The following AK7 variants were observed in gnomAD, a reference collection of about 807,000 sequenced individuals.
AK7 encodes the protein adenylate kinase 7.
AK7 carries 78 observed loss-of-function variants against 96.6 expected under a neutral mutation model. The ratio of observed to expected loss-of-function variants is 0.81; its 90% confidence interval spans 0.67 to 0.97. The LOEUF (loss-of-function observed/expected upper bound fraction) is 0.97. Ranked by LOEUF, AK7 falls within the 50% of genes least tolerant of loss-of-function variation. The pLI, the probability that AK7 is intolerant of heterozygous loss-of-function variation, is 0.00. For missense variants in AK7, 855 were observed against 887.9 expected (o/e 0.96, Z 0.47); for synonymous variants, 302 against 317.2 (o/e 0.95, Z 0.51).
chr14:96,416,993 C>A (rs1891383250), intron 4 of AK7, among the ~76,000 whole-genome samples: 1 of 152,352 alleles, frequency 6.6e-6, no homozygotes, highest in East Asian at 1.9e-4. Flanking sequence ...ACCTATGGTT[C>A]TCTTATGGTT....
At position 96,488,937 on chromosome 14, in the gene AK7, A is replaced by AATCTGC. The variant is rs1327702874; in HGVS notation, c.*597_*602dup. On this transcript the variant is annotated 3_prime_UTR_variant, in exon 18 of 18. Transcript: ENST00000267584. ...AGAACTGTAAACCTTTAGGCGGAGA[A>AATCTGC]ATCTGCATAACAGGATAATTCCAAT... is the stretch of plus-strand genomic sequence containing the variant. 1 of 152,012 alleles carries AATCTGC rather than the reference A, an allele frequency of 6.6e-6. No individual in the cohort carries two copies. The highest frequency in any genetic ancestry group is 1.9e-4 in the East Asian group (1 of 5,190). 9.4% of individuals were successfully genotyped at this position (152,012 alleles called of 1,614,324 possible). A position where few individuals can be genotyped will look rare whatever the true frequency, so the allele number is the denominator to read the frequency against.
chr14:96,407,575 CTTTTCTTT>C (rs746008850), intron 3 of AK7, among the ~76,000 whole-genome samples: 653 of 54,764 alleles, frequency 0.012, 7 homozygotes, highest in Middle Eastern at 0.029. Flanking sequence ...TTCTTTCTTT[CTTTTCTTT>C]TTTTTTTTTT....
chr14:96,443,732 C>T (rs993989579), intron 7 of AK7, among the ~76,000 whole-genome samples: 1 of 151,526 alleles, frequency 6.6e-6, no homozygotes, highest in Non-Finnish European at 1.5e-5. Flanking sequence ...TACACTAACA[C>T]TAACGATAGC....
chr14:96,404,721 G>T (rs144999405), intron 2 of AK7, 36 bp from the exon 3 acceptor site: 1 of 1,408,774 alleles, frequency 7.1e-7, no homozygotes, highest in Non-Finnish European at 1.0e-6. Context: ...CCTTGTTAGC[G>T]TCTTGCTGCA....
intron 5 of AK7, 112 bp from the exon 6 acceptor site, chr14:96,437,723 G>T: frequency 1.4e-6 from 1 of 718,526 alleles, no homozygotes; most frequent in Non-Finnish European, 2.3e-6. Flanking sequence ...TCAGTAACCT[G>T]CAAGAGTTGA....
At chr14:96,404,384 C>A (rs919170850) in intron 2 of AK7, among the ~76,000 whole-genome samples, 1 of 152,120 alleles carries the variant, frequency 6.6e-6, no homozygotes, top group Non-Finnish European at 1.5e-5. Context: ...CTGAGTGATT[C>A]GTGGTATATA....
chr14:96,482,888 G>C, intron 15 of AK7, 111 bp from the exon 16 acceptor site: 1 of 1,065,288 alleles, frequency 9.4e-7, no homozygotes, highest in Non-Finnish European at 1.4e-6. Context: ...AAAACCCTAT[G>C]TGGTAATTTA....
chr14:96,449,236 C>T (rs1189417767), intron 8 of AK7, among the ~76,000 whole-genome samples: 1 of 152,164 alleles, frequency 6.6e-6, no homozygotes, highest in Non-Finnish European at 1.5e-5. Context: ...ATTCAGACTA[C>T]AGCACAGAAT....
intron 4 of AK7, among the ~76,000 whole-genome samples, chr14:96,414,331 T>C (rs757994989): frequency 3.3e-5 from 5 of 152,192 alleles, no homozygotes; most frequent in Non-Finnish European, 7.3e-5. Context: ...CAAATTTCTT[T>C]GACTAAAACT....
intron 4 of AK7, among the ~76,000 whole-genome samples, chr14:96,412,781 G>T (rs1031622515): frequency 6.6e-6 from 1 of 151,778 alleles, no homozygotes; most frequent in Admixed American, 6.6e-5. Context: ...TGGCCAGGCT[G>T]GTCTCAAACT....
Position 96,392,133 on chromosome 14 carries a change from A to G in AK7, c.-22A>G. 1 of 1,595,392 alleles carries G rather than the reference A, an allele frequency of 6.3e-7. No individual in the cohort carries two copies. The highest frequency in any genetic ancestry group is 8.6e-7 in the Non-Finnish European group (1 of 1,163,988). On this transcript the variant is annotated 5_prime_UTR_variant, in exon 1 of 18. Coordinates refer to ENST00000267584, the MANE Select transcript of AK7 (RefSeq NM_152327.5). ...GGCAAGCGAGTGGCGCTTTCACCTT[A>G]GCAACCAGCGCGGCTCCCACCATGG...
chr14:96,407,769 GA>G (rs1349005521), intron 3 of AK7, among the ~76,000 whole-genome samples: 2 of 151,800 alleles, frequency 1.3e-5, no homozygotes, highest in African/African-American at 4.8e-5. Flanking sequence ...TTTTAGTAGA[GA>G]CAGGGTTTCA....
At chr14:96,414,896 G>T (rs1891242305) in intron 4 of AK7, among the ~76,000 whole-genome samples, 1 of 151,472 alleles carries the variant, frequency 6.6e-6, no homozygotes, top group African/African-American at 2.4e-5. Context: ...GGGACTACAG[G>T]CACCTGCCGC....
intron 4 of AK7, 81 bp from the exon 5 acceptor site, chr14:96,420,741 T>G: frequency 2.0e-6 from 2 of 1,004,980 alleles, no homozygotes; most frequent in Non-Finnish European, 3.0e-6. Flanking sequence ...TATTTGAGCT[T>G]AAAGGAACAT....
In AK7 at chr14:96,488,681, C is replaced by T. The variant is rs1380298596; in HGVS notation, c.*338C>T. The T allele has an allele frequency of 5.5e-6, 1 of 182,068 alleles. No homozygotes were observed. Among genetic ancestry groups the T allele is most frequent in the Non-Finnish European group, 1.1e-5 (1 of 87,314 alleles). 11.3% of individuals were successfully genotyped at this position (182,068 alleles called of 1,614,324 possible). A position where few individuals can be genotyped will look rare whatever the true frequency, so the allele number is the denominator to read the frequency against. On this transcript the variant is annotated 3_prime_UTR_variant, in exon 18 of 18. Coordinates refer to ENST00000267584, the MANE Select transcript of AK7 (RefSeq NM_152327.5). ...AGAAAATCAGACTATATATTGTAGA[C>T]TATGTATTATTCTAACATGTAGGCT...
rs187806794 is a variant in AK7 at position 96,482,193 on chromosome 14, T to G, written c.1754-806T>G. On this transcript the variant is annotated intron_variant, in intron 15 of 17. Transcript: ENST00000267584. ...CAGGAGGACTGCTTGAGCCAAAGAGTTCAAGATCAGCCTGGGCAACATGGG... is the reference window on the plus strand; with the variant it reads ...CAGGAGGACTGCTTGAGCCAAAGAGGTCAAGATCAGCCTGGGCAACATGGG... Among the ~76,000 whole-genome samples, 3 of 149,000 alleles carry G rather than the reference T, an allele frequency of 2.0e-5. No individual in the cohort carries two copies. In the East Asian group the frequency reaches 6.0e-4, roughly 30 times the overall value.
chr14:96,444,406 C>G (rs1428098351), intron 7 of AK7, among the ~76,000 whole-genome samples: 2 of 152,102 alleles, frequency 1.3e-5, no homozygotes, highest in Non-Finnish European at 2.9e-5. Context: ...ATTGCCATTA[C>G]AGAAGGACTT....
chr14:96,399,058 A>G lies in AK7; in HGVS notation c.294+795A>G, dbSNP rs1199688011. ...TGATTCCTACTTCTCCCTCACTCCC[A>G]GTTTGGATTCTGAGCTCTTTTCTGA... is the stretch of plus-strand genomic sequence containing the variant. On this transcript the variant is annotated intron_variant, in intron 2 of 17. Coordinates refer to ENST00000267584, the MANE Select transcript of AK7 (RefSeq NM_152327.5). The surrounding 1 kb of genome is among the most constrained non-coding windows in gnomAD (Gnocchi z 4.1). 6.7e-6 allele frequency: 1 copy of G among 150,328 alleles called. No individual in the cohort carries two copies. The highest frequency in any genetic ancestry group is 2.1e-4 in the South Asian group (1 of 4,762). The allele number at this position is 150,328 out of a possible 1,614,324, so 9.3% of individuals were successfully genotyped here.
chr14:96,432,612 G>A (rs1892415887), intron 5 of AK7, among the ~76,000 whole-genome samples: 1 of 152,104 alleles, frequency 6.6e-6, no homozygotes. Flanking sequence ...TTGCTTGTCT[G>A]TAAAGGATTT....
Sources: gnomAD v4.1 joint callset for allele counts (sites outside exome capture counted in the v4.1 genomes callset) on GRCh38, gnomAD v4.1.1 for gene constraint, Gnocchi (gnomAD v3.1) non-coding constraint, MANE v1.5 for transcripts, NCBI Gene and HGNC (gene_info 2026-07-23, HGNC 2026-07-21) for gene names.